Variants in GPC6 observed in about 807,000 individuals in gnomAD.
The protein encoded by GPC6 is glypican 6.
Under a neutral mutation model 55.2 loss-of-function variants are expected in GPC6, and 14 were observed. That is an observed-to-expected ratio of 0.25 (90% CI 0.17 to 0.40). The LOEUF is 0.40. Ranked by LOEUF, GPC6 falls within the 10% of genes least tolerant of loss-of-function variation. GPC6 has a pLI of 1.00. For missense variants in GPC6, 641 were observed against 708.5 expected, an observed-to-expected ratio of 0.90 and a Z score of 1.08; for synonymous variants, 278 against 259.6, an observed-to-expected ratio of 1.07 and a Z score of -0.68.
At chr13:94,225,589 C>T (rs143159854) in intron 4 of GPC6, among the ~76,000 whole-genome samples, 3 of 151,390 alleles carry the variant, frequency 2.0e-5, no homozygotes, top group African/African-American at 7.3e-5. Context: ...TTTGAAGACC[C>T]CTTGTATATA....
chr13:93,895,222 A>G (rs866217996), intron 3 of GPC6, among the ~76,000 whole-genome samples: 1,007 of 53,496 alleles, frequency 0.019, 32 homozygotes, highest in Middle Eastern at 0.08. Context: ...GTGTGTATGT[A>G]TGTGTGTGTG....
At chr13:93,741,564 G>A (rs139651936) in intron 2 of GPC6, among the ~76,000 whole-genome samples, 121 of 152,188 alleles carry the variant, frequency 8.0e-4, no homozygotes, top group African/African-American at 2.6e-3. Flanking sequence ...CTGGGATTCA[G>A]TGCTCTTCCT....
At chr13:94,056,688 A>T (rs1884144839) in intron 4 of GPC6, among the ~76,000 whole-genome samples, 1 of 152,208 alleles carries the variant, frequency 6.6e-6, no homozygotes, top group South Asian at 2.1e-4. Context: ...TGTATATTTA[A>T]TTACTGAAAA....
intron 4 of GPC6, among the ~76,000 whole-genome samples, chr13:94,124,292 T>G (rs1407446277): frequency 6.6e-6 from 1 of 152,138 alleles, no homozygotes; most frequent in Admixed American, 6.6e-5. Flanking sequence ...TTCAATTTTG[T>G]GAATTGTGTG....
chr13:93,783,821 G>T (rs1306724896), intron 2 of GPC6, among the ~76,000 whole-genome samples: 2 of 152,044 alleles, frequency 1.3e-5, no homozygotes, highest in African/African-American at 4.8e-5. Flanking sequence ...TACTGATTCT[G>T]TTCCCTCTCC....
chr13:93,558,650 T>G (rs1875602239), intron 2 of GPC6, among the ~76,000 whole-genome samples: 1 of 152,174 alleles, frequency 6.6e-6, no homozygotes. Flanking sequence ...AAGTAGAAAA[T>G]TAAGTCTATT....
At chr13:93,717,336 T>A (rs1883286513) in intron 2 of GPC6, among the ~76,000 whole-genome samples, 1 of 151,656 alleles carries the variant, frequency 6.6e-6, no homozygotes, top group African/African-American at 2.4e-5. Flanking sequence ...CTGATTTAAG[T>A]GTAAATAAGT....
chr13:93,636,616 C>T (rs566737816), intron 2 of GPC6, among the ~76,000 whole-genome samples: 1 of 152,306 alleles, frequency 6.6e-6, no homozygotes, highest in East Asian at 1.9e-4. Context: ...ATTTTCCCAG[C>T]TCTCTTGTTC....
chr13:93,769,858 G>A (rs1326517528), intron 2 of GPC6, among the ~76,000 whole-genome samples: 2 of 152,176 alleles, frequency 1.3e-5, no homozygotes, highest in African/African-American at 2.4e-5. Flanking sequence ...AGCATCACCT[G>A]GAAAATTGTT....
intron 1 of GPC6, among the ~76,000 whole-genome samples, chr13:93,303,117 T>A (rs895324921): frequency 6.6e-6 from 1 of 152,190 alleles, no homozygotes; most frequent in African/African-American, 2.4e-5. Context: ...ACTTCCACAT[T>A]CTGTCTATAA....
intron 2 of GPC6, among the ~76,000 whole-genome samples, chr13:93,554,544 G>A (rs1443470948): frequency 2.0e-5 from 3 of 152,124 alleles, no homozygotes; most frequent in Non-Finnish European, 2.9e-5. Flanking sequence ...ATCCAAACCC[G>A]AACTTTGGCA....
intron 3 of GPC6, among the ~76,000 whole-genome samples, chr13:93,897,008 T>C (rs1876052255): frequency 6.6e-6 from 1 of 151,782 alleles, no homozygotes; most frequent in Admixed American, 6.6e-5. Context: ...TTTAACATTT[T>C]CTTATTGTAA....
intron 2 of GPC6, among the ~76,000 whole-genome samples, chr13:93,777,730 T>C (rs1234437479): frequency 1.3e-5 from 2 of 152,326 alleles, no homozygotes; most frequent in African/African-American, 4.8e-5. Flanking sequence ...TGCTAATGCC[T>C]GGTGCATGCT....
intron 2 of GPC6, among the ~76,000 whole-genome samples, chr13:93,731,595 C>G (rs1311139578): frequency 1.3e-5 from 2 of 152,124 alleles, no homozygotes; most frequent in Non-Finnish European, 2.9e-5. Context: ...AGGATAGTTA[C>G]TAAAGTATTC....
At chr13:93,562,550 A>G (rs1313418701) in intron 2 of GPC6, among the ~76,000 whole-genome samples, 3 of 152,172 alleles carry the variant, frequency 2.0e-5, no homozygotes, top group African/African-American at 7.2e-5. Context: ...GAGATAATAT[A>G]CATAAAGCAC....
intron 6 of GPC6, among the ~76,000 whole-genome samples, chr13:94,372,253 C>T (rs532089426): frequency 2.0e-5 from 3 of 152,178 alleles, no homozygotes; most frequent in South Asian, 2.1e-4. Flanking sequence ...CAGCTCCCAG[C>T]GTGAGTGACG....
chr13:94,021,349 C>A (rs888689576), intron 3 of GPC6, among the ~76,000 whole-genome samples: 1 of 151,682 alleles, frequency 6.6e-6, no homozygotes, highest in African/African-American at 2.4e-5. Context: ...ACATTGGCTA[C>A]TATTAGGAAT....
intron 4 of GPC6, among the ~76,000 whole-genome samples, chr13:94,234,545 C>G (rs1890820078): frequency 6.8e-6 from 1 of 146,866 alleles, no homozygotes; most frequent in Non-Finnish European, 1.5e-5. Context: ...TTACTGTGAC[C>G]CAAGAACTTA....
chr13:94,007,174 C>T (rs1882056232), intron 3 of GPC6, among the ~76,000 whole-genome samples: 1 of 152,158 alleles, frequency 6.6e-6, no homozygotes, highest in African/African-American at 2.4e-5. Context: ...CGAGTGGTTA[C>T]AACACTCTTG....
Sources: gnomAD v4.1 joint callset for allele counts (sites outside exome capture counted in the v4.1 genomes callset) on GRCh38, gnomAD v4.1.1 for gene constraint, MANE v1.5 for transcripts, NCBI Gene and HGNC (gene_info 2026-07-23, HGNC 2026-07-21) for gene names.